The following TACC1 variants were observed in gnomAD, a reference collection of about 807,000 sequenced individuals.
The protein encoded by TACC1 is transforming acidic coiled-coil-containing protein 1.
Under a neutral mutation model 84.4 loss-of-function variants are expected in TACC1, and 48 were observed. The observed-to-expected ratio is 0.57, with a 90% CI of 0.45 to 0.72. TACC1 has a LOEUF of 0.72. Ranked by LOEUF, TACC1 falls within the 30% of genes least tolerant of loss-of-function variation. TACC1 has a pLI of 0.00. For synonymous variants in TACC1, 372 were observed against 376.3 expected, an observed-to-expected ratio of 0.99 and a Z score of 0.13; for missense variants, 920 against 973.0, an observed-to-expected ratio of 0.95 and a Z score of 0.72.
intron 3 of TACC1, among the ~76,000 whole-genome samples, chr8:38,760,141 ATAATC>A (rs1311131298): frequency 2.6e-5 from 4 of 152,382 alleles, no homozygotes; most frequent in Admixed American, 2.6e-4. Flanking sequence ...GTATTTCAGA[ATAATC>A]TAATCAGGTA....
chr8:38,738,503 GATTT>G (rs1355360454), intron 1 of TACC1, among the ~76,000 whole-genome samples: 6 of 152,212 alleles, frequency 3.9e-5, no homozygotes, highest in Middle Eastern at 3.4e-3. Context: ...GGGGCTTGTG[GATTT>G]CTTTTAATAC....
intron 3 of TACC1, among the ~76,000 whole-genome samples, chr8:38,781,802 G>T (rs76228244): frequency 1.3e-5 from 2 of 152,060 alleles, no homozygotes; most frequent in East Asian, 3.9e-4. Context: ...TTGAAGTAAT[G>T]TCCTTTACTA....
intron 2 of TACC1, among the ~76,000 whole-genome samples, chr8:38,810,882 T>C (rs1383586290): frequency 6.6e-6 from 1 of 152,048 alleles, no homozygotes; most frequent in Non-Finnish European, 1.5e-5. Context: ...TCTGGGAGAC[T>C]GAAGTAGGAG....
intron 5 of TACC1, among the ~76,000 whole-genome samples, chr8:38,830,839 A>AT (rs2152278332): frequency 6.6e-6 from 1 of 152,254 alleles, no homozygotes; most frequent in East Asian, 1.9e-4. Context: ...AGTACGACAC[A>AT]TTTTTCCAAA....
chr8:38,778,005 G>A (rs1815167428), intron 3 of TACC1, among the ~76,000 whole-genome samples: 1 of 152,232 alleles, frequency 6.6e-6, no homozygotes, highest in Non-Finnish European at 1.5e-5. Context: ...AGGATGTGGG[G>A]TGAGGGAATT....
intron 11 of TACC1, among the ~76,000 whole-genome samples, chr8:38,845,257 A>G (rs1302009930): frequency 6.6e-6 from 1 of 152,188 alleles, no homozygotes; most frequent in Non-Finnish European, 1.5e-5. Context: ...AAGGTAATAC[A>G]TGCTTGTACA....
intron 1 of TACC1, 68 bp downstream of exon 1, chr8:38,787,811 G>A: frequency 7.3e-7 from 1 of 1,364,644 alleles, no homozygotes; most frequent in Non-Finnish European, 9.6e-7. Context: ...CTCCCTCTGT[G>A]TGCGTGTGTG....
intron 3 of TACC1, among the ~76,000 whole-genome samples, chr8:38,777,205 G>A (rs917079190): frequency 6.6e-6 from 1 of 150,598 alleles, no homozygotes; most frequent in Non-Finnish European, 1.5e-5. Context: ...GCAGTGAGCC[G>A]AGATCACGCC....
At chr8:38,809,609 C>G (rs1823591940) in intron 2 of TACC1, among the ~76,000 whole-genome samples, 1 of 152,002 alleles carries the variant, frequency 6.6e-6, no homozygotes. Flanking sequence ...AAGGCCCTGT[C>G]CTTGTGTTAT....
At chr8:38,806,835 C>CA (rs1822870544) in intron 2 of TACC1, among the ~76,000 whole-genome samples, 1 of 152,162 alleles carries the variant, frequency 6.6e-6, no homozygotes, top group Non-Finnish European at 1.5e-5. Context: ...GAGTTAGCCT[C>CA]AGACTCCACA....
At position 38,852,235 on chromosome 8, in the gene TACC1, T is replaced by G; in HGVS notation, c.*4212T>G. On this transcript the variant is annotated 3_prime_UTR_variant, in exon 13 of 13. Coordinates refer to ENST00000317827, the MANE Select transcript of TACC1 (RefSeq NM_006283.3). ...CAAGATTCCTAAGGAATGACTTTAT[T>G]AACTATAATATGGTTACAGCTATTA... The G allele has an allele frequency of 3.5e-6, 1 of 283,128 alleles. No individual in the cohort carries two copies. Among genetic ancestry groups the G allele is most frequent in the Non-Finnish European group, 7.1e-6 (1 of 139,926 alleles). The allele number at this position is 283,128 out of a possible 1,614,324, so 17.5% of individuals were successfully genotyped here.
chr8:38,754,854 G>T lies in TACC1; in HGVS notation c.26+9361G>T, dbSNP rs545651652. 2.0e-5 allele frequency among the ~76,000 whole-genome samples: 3 copies of T among 152,210 alleles called. No individual in the cohort carries two copies. In the South Asian group the frequency reaches 6.2e-4, roughly 32 times the overall value. On this transcript the variant is annotated intron_variant, in intron 3 of 14. Coordinates refer to the TACC1 transcript ENST00000518415. ...AAAGATAATTTATAAAGAGGTAGTC[G>T]AAGTCTGCTACATAAAAGAGAGATC...
At chr8:38,732,063 G>C (rs552523019) in intron 1 of TACC1, among the ~76,000 whole-genome samples, 1 of 152,170 alleles carries the variant, frequency 6.6e-6, no homozygotes, top group South Asian at 2.1e-4. Context: ...AGTGAGCCAA[G>C]ATTGTACCAC....
At chr8:38,768,587 C>T (rs1045767877) in intron 3 of TACC1, among the ~76,000 whole-genome samples, 4 of 152,066 alleles carry the variant, frequency 2.6e-5, no homozygotes, top group African/African-American at 7.3e-5. Context: ...CTTGTTTGAT[C>T]GATTCCATAC....
At chr8:38,822,993 G>A (rs1354707309) in intron 3 of TACC1, among the ~76,000 whole-genome samples, 1 of 152,214 alleles carries the variant, frequency 6.6e-6, no homozygotes, top group Non-Finnish European at 1.5e-5. Flanking sequence ...CCAATGAGAT[G>A]CAGGATGAAA....
chr8:38,736,383 A>G (rs894731323), intron 1 of TACC1, among the ~76,000 whole-genome samples: 3 of 152,116 alleles, frequency 2.0e-5, no homozygotes, highest in Non-Finnish European at 2.9e-5. Flanking sequence ...GGGAGGCCGA[A>G]GAAGGAGGAT....
chr8:38,806,228 T>C (rs946488114), intron 2 of TACC1, among the ~76,000 whole-genome samples: 3 of 152,002 alleles, frequency 2.0e-5, no homozygotes, highest in Non-Finnish European at 4.4e-5. Context: ...TCTGCTTCCA[T>C]CCTGGCTCCA....
Position 38,801,822 on chromosome 8 carries a change from TAAC to T in TACC1, c.277+13006_277+13008del, listed in dbSNP as rs1198574207. ...ATAAATTTGGGAAGTATTGCTGTCTTAACAATATTAAATCTTCCAATTCATGAA... is the reference window on the plus strand; with the variant it reads ...ATAAATTTGGGAAGTATTGCTGTCTTAATATTAAATCTTCCAATTCATGAA... On this transcript the variant is annotated intron_variant, in intron 2 of 12. Transcript: ENST00000317827. Among the ~76,000 whole-genome samples, 6 of 152,360 alleles carry T rather than the reference TAAC, an allele frequency of 3.9e-5. No homozygotes were observed. The East Asian group carries it at 1.2e-3, about 29-fold the overall frequency.
At chr8:38,773,467 A>G (rs1426337868) in intron 3 of TACC1, among the ~76,000 whole-genome samples, 2 of 149,296 alleles carry the variant, frequency 1.3e-5, no homozygotes, top group African/African-American at 4.9e-5. Context: ...AAACATTAAT[A>G]TTTACACTGG....
Sources: allele counts gnomAD v4.1 joint callset (sites outside exome capture counted in the v4.1 genomes callset), GRCh38; gene constraint gnomAD v4.1.1; transcripts MANE v1.5; gene names NCBI Gene and HGNC (gene_info 2026-07-23, HGNC 2026-07-21).